Variants in PLEKHB2 observed in about 807,000 individuals in gnomAD.
PLEKHB2 encodes pleckstrin homology domain containing B2.
Under a neutral mutation model 36.5 loss-of-function variants are expected in PLEKHB2, and 31 were observed. The ratio of observed to expected loss-of-function variants is 0.85; its 90% CI spans 0.64 to 1.15. PLEKHB2 has a LOEUF of 1.15. PLEKHB2 is among the 50% of genes most tolerant of loss of function. The pLI, the probability that PLEKHB2 is intolerant of heterozygous loss-of-function variation, is 0.00. For missense variants in PLEKHB2, 262 were observed against 295.3 expected, an observed-to-expected ratio of 0.89 and a Z score of 0.83; for synonymous variants, 119 against 112.0, an observed-to-expected ratio of 1.06 and a Z score of -0.39.
chr2:131,129,017 C>T (rs1697378127), intron 4 of PLEKHB2, among the ~76,000 whole-genome samples: 1 of 152,218 alleles, frequency 6.6e-6, no homozygotes, highest in South Asian at 2.1e-4. Context: ...AACTTAACTG[C>T]ATTCCTTAGA....
chr2:131,116,105 C>T (rs968127069), intron 1 of PLEKHB2, among the ~76,000 whole-genome samples: 1 of 152,200 alleles, frequency 6.6e-6, no homozygotes, highest in South Asian at 2.1e-4. Flanking sequence ...AGTTTAAGTT[C>T]TTTTCTGTCT....
intron 1 of PLEKHB2, among the ~76,000 whole-genome samples, chr2:131,119,877 A>G (rs954521139): frequency 2.0e-5 from 3 of 151,444 alleles, no homozygotes; most frequent in Admixed American, 6.6e-5. Flanking sequence ...TGAACTGCTA[A>G]ATTATTGCCT....
intron 1 of PLEKHB2, among the ~76,000 whole-genome samples, chr2:131,116,105 C>A (rs968127069): frequency 6.6e-6 from 1 of 152,318 alleles, no homozygotes; most frequent in East Asian, 1.9e-4. Flanking sequence ...AGTTTAAGTT[C>A]TTTTCTGTCT....
intron 5 of PLEKHB2, among the ~76,000 whole-genome samples, 157 bp from the exon 6 acceptor site, chr2:131,132,745 C>T (rs1030673576): frequency 5.3e-5 from 8 of 152,134 alleles, no homozygotes; most frequent in African/African-American, 1.9e-4. Flanking sequence ...GTGGGGGCCC[C>T]CACTGGACTG....
At chr2:131,142,822 C>T (rs895873395) in intron 7 of PLEKHB2, among the ~76,000 whole-genome samples, 32 of 152,080 alleles carry the variant, frequency 2.1e-4, no homozygotes, top group Non-Finnish European at 3.7e-4. Context: ...TCCCAAAGTG[C>T]TGGGATTACA....
At chr2:131,120,702 G>T (rs1476609227) in intron 1 of PLEKHB2, 7 of 599,826 alleles carry the variant, frequency 1.2e-5, no homozygotes, top group Non-Finnish European at 2.1e-5. Context: ...TCGGTCAGGT[G>T]GGCTGGGTGG....
At chr2:131,132,078 G>C (rs1697763602) in intron 5 of PLEKHB2, among the ~76,000 whole-genome samples, 1 of 152,032 alleles carries the variant, frequency 6.6e-6, no homozygotes, top group African/African-American at 2.4e-5. Flanking sequence ...TGATCTGCCT[G>C]CCTTGGCCTC....
intron 2 of PLEKHB2, among the ~76,000 whole-genome samples, chr2:131,121,990 C>T (rs1696568053): frequency 6.6e-6 from 1 of 152,080 alleles, no homozygotes; most frequent in Admixed American, 6.5e-5. Context: ...CCTCCGCCTC[C>T]CAGGTTCAAG....
chr2:131,142,217 G>C (rs762996457), intron 7 of PLEKHB2, among the ~76,000 whole-genome samples: 9 of 152,308 alleles, frequency 5.9e-5, no homozygotes, highest in Non-Finnish European at 1.3e-4. Context: ...GTGCCCCAGA[G>C]GGGAATCCAT....
intron 2 of PLEKHB2, among the ~76,000 whole-genome samples, chr2:131,121,749 T>C (rs1228447979): frequency 2.0e-5 from 3 of 152,252 alleles, no homozygotes. Context: ...ACCAAAACTT[T>C]TGTGTCTCCA....
chr2:131,105,730 C>T (rs1390038716), intron 1 of PLEKHB2, among the ~76,000 whole-genome samples: 2 of 152,154 alleles, frequency 1.3e-5, no homozygotes, highest in South Asian at 4.1e-4. Context: ...TTCCCCGAGC[C>T]CCTCCTCTCC....
chr2:131,107,509 C>T (rs1694857358), intron 1 of PLEKHB2: 1 of 152,210 alleles, frequency 6.6e-6, no homozygotes, highest in Admixed American at 6.5e-5. Flanking sequence ...CCTTGAAGAA[C>T]AGAGATGAGT....
At chr2:131,107,989 AC>A (rs1694909675) in intron 1 of PLEKHB2, 2 of 152,250 alleles carry the variant, frequency 1.3e-5, no homozygotes, top group African/African-American at 4.8e-5. Flanking sequence ...ACCATCTACT[AC>A]AGGGCTGTTT....
chr2:131,111,559 C>G (rs1436367700), intron 1 of PLEKHB2, among the ~76,000 whole-genome samples: 1 of 149,732 alleles, frequency 6.7e-6, no homozygotes, highest in Admixed American at 6.7e-5. Context: ...GGCACTATCT[C>G]GGCTCACTGC....
intron 4 of PLEKHB2, among the ~76,000 whole-genome samples, chr2:131,130,220 T>C (rs1697542192): frequency 1.3e-5 from 2 of 152,080 alleles, no homozygotes; most frequent in Admixed American, 6.6e-5. Context: ...ATGTTTATAT[T>C]TTTTGTAGAG....
intron 1 of PLEKHB2, among the ~76,000 whole-genome samples, chr2:131,113,400 T>C (rs1042174197): frequency 5.3e-5 from 8 of 152,242 alleles, no homozygotes; most frequent in Admixed American, 2.0e-4. Context: ...TCTTGCTTGG[T>C]ATGTGGGGAG....
intron 7 of PLEKHB2, among the ~76,000 whole-genome samples, chr2:131,143,256 G>A (rs796364614): frequency 1.6e-4 from 25 of 152,326 alleles, no homozygotes; most frequent in African/African-American, 6.0e-4. Context: ...ATTGTAAGTT[G>A]AGGAGCATCT....
chr2:131,132,665 G>C (rs140489746), intron 5 of PLEKHB2, among the ~76,000 whole-genome samples: 3,072 of 152,246 alleles, frequency 0.02, 111 homozygotes, highest in African/African-American at 0.07. Context: ...CTGGCTGTGA[G>C]AGCTGTAGTC....
intron 2 of PLEKHB2, among the ~76,000 whole-genome samples, chr2:131,123,787 G>A (rs6744667): frequency 2.6e-3 from 67 of 25,714 alleles, no homozygotes; most frequent in Non-Finnish European, 1.6e-3. Flanking sequence ...CCCCCCCCCC[G>A]CCCCCCGCCC....
Sources: allele counts gnomAD v4.1 joint callset (sites outside exome capture counted in the v4.1 genomes callset), GRCh38; gene constraint gnomAD v4.1.1; transcripts MANE v1.5; gene names NCBI Gene and HGNC (gene_info 2026-07-23, HGNC 2026-07-21).